The following PPARGC1A variants were observed in gnomAD, a reference collection of about 807,000 sequenced individuals.
PPARGC1A encodes the protein PPARG coactivator 1 alpha.
PPARGC1A carries 25 observed loss-of-function variants against 88.7 expected under a neutral mutation model. The ratio of observed to expected loss-of-function variants is 0.28; its 90% CI spans 0.21 to 0.39. PPARGC1A has a LOEUF of 0.39. Among genes scored for constraint, PPARGC1A ranks in the 10% least tolerant of loss-of-function variants. The probability of loss-of-function intolerance (pLI) is 1.00; values close to 1 mark genes in which losing one functional copy is unlikely to be tolerated. For missense variants in PPARGC1A, 880 were observed against 968.7 expected (o/e 0.91, Z 1.22); for synonymous variants, 363 against 355.6 (o/e 1.02, Z -0.24).
At chr4:24,426,096 G>T in the PPARGC1A span, among the ~76,000 whole-genome samples, 1 of 152,124 alleles carries the variant, frequency 6.6e-6, no homozygotes, top group African/African-American at 2.4e-5. Flanking sequence ...ATTACAACGG[G>T]GAGGGAACAC....
chr4:24,462,868 G>A, the PPARGC1A span, among the ~76,000 whole-genome samples: 1 of 151,646 alleles, frequency 6.6e-6, no homozygotes, highest in East Asian at 1.9e-4. Context: ...CGTCTTTCAG[G>A]TCCAAGGTCT....
At position 23,794,491 on chromosome 4, in the gene PPARGC1A, G is replaced by C. The variant is rs1310358074; in HGVS notation, c.*1331C>G. The C allele has an allele frequency of 6.6e-6, 1 of 152,416 alleles. No homozygotes were observed. The highest frequency in any genetic ancestry group is 1.5e-5 in the Non-Finnish European group (1 of 68,006). The allele number at this position is 152,416 out of a possible 1,614,324, so 9.4% of individuals were successfully genotyped here. A position where few individuals can be genotyped will look rare whatever the true frequency, so the allele number is the denominator to read the frequency against. ...GTGCGGAAAGCATCATTTTGCTCTT[G>C]TTGCACTCAACAGACACACACACTG... On this transcript the variant is annotated 3_prime_UTR_variant, in exon 13 of 13. Transcript: ENST00000264867.
intron 10 of PPARGC1A, among the ~76,000 whole-genome samples, chr4:23,802,924 A>G (rs1719076998): frequency 6.6e-6 from 1 of 152,112 alleles, no homozygotes; most frequent in African/African-American, 2.4e-5. Flanking sequence ...CTACTCTCAG[A>G]TGAACTTGAT....
chr4:23,806,696 C>T (rs57276493), intron 10 of PPARGC1A, among the ~76,000 whole-genome samples: 2,444 of 152,158 alleles, frequency 0.016, 80 homozygotes, highest in African/African-American at 0.056. Flanking sequence ...TACACCAAAA[C>T]GTGGGGGATA....
At chr4:24,316,714 A>C in the PPARGC1A span, among the ~76,000 whole-genome samples, 1 of 152,252 alleles carries the variant, frequency 6.6e-6, no homozygotes, top group African/African-American at 2.4e-5. Flanking sequence ...GAATGGGAAG[A>C]ATAATGCTTA....
chr4:24,382,867 G>A, the PPARGC1A span, among the ~76,000 whole-genome samples: 1 of 152,168 alleles, frequency 6.6e-6, no homozygotes, highest in Non-Finnish European at 1.5e-5. Context: ...AGATCTCCCA[G>A]CACAGTGCTT....
At chr4:24,013,142 A>G in the PPARGC1A span, among the ~76,000 whole-genome samples, 1 of 152,186 alleles carries the variant, frequency 6.6e-6, no homozygotes, top group Non-Finnish European at 1.5e-5. Context: ...GTGGCAGAGA[A>G]TAAGACGGAC....
At chr4:24,387,960 G>A in the PPARGC1A span, among the ~76,000 whole-genome samples, 1 of 148,680 alleles carries the variant, frequency 6.7e-6, no homozygotes, top group Admixed American at 6.7e-5. Flanking sequence ...AAGAAAGAAA[G>A]GGAGAGGGAG....
At chr4:24,280,941 A>T in the PPARGC1A span, among the ~76,000 whole-genome samples, 20 of 152,224 alleles carry the variant, frequency 1.3e-4, no homozygotes. Context: ...AGTAATATAC[A>T]ACTGAATCAA....
chr4:24,097,287 G>C, the PPARGC1A span, among the ~76,000 whole-genome samples: 1 of 152,200 alleles, frequency 6.6e-6, no homozygotes, highest in African/African-American at 2.4e-5. Context: ...GGTGAAGGGA[G>C]CAGGAGGATA....
the PPARGC1A span, among the ~76,000 whole-genome samples, chr4:24,006,558 A>C: frequency 3.9e-5 from 6 of 152,218 alleles, no homozygotes; most frequent in African/African-American, 1.4e-4. Flanking sequence ...AGAAAGATGC[A>C]CAAATATGCT....
chr4:24,132,287 T>C, the PPARGC1A span, among the ~76,000 whole-genome samples: 4 of 115,564 alleles, frequency 3.5e-5, no homozygotes, highest in Admixed American at 3.6e-4. Context: ...TATGAGGCTT[T>C]CTATATCAGA....
chr4:23,906,418 GC>G (rs1245474447), upstream of PPARGC1A, among the ~76,000 whole-genome samples: 1 of 151,922 alleles, frequency 6.6e-6, no homozygotes, highest in African/African-American at 2.4e-5. Flanking sequence ...TTCAAGACCA[GC>G]CGGGCCAACA....
the PPARGC1A span, among the ~76,000 whole-genome samples, chr4:24,238,778 TGTGTGTGTGTG>T: frequency 2.0e-5 from 3 of 151,306 alleles, no homozygotes; most frequent in African/African-American, 7.3e-5. Context: ...TGTGTGTGTG[TGTGTGTGTGTG>T]TGTGTGTAGG....
chr4:23,824,587 G>A (rs1723593875), intron 5 of PPARGC1A, 79 bp from the exon 6 acceptor site: 2 of 1,244,622 alleles, frequency 1.6e-6, no homozygotes, highest in Non-Finnish European at 2.2e-6. Context: ...CAGTCAAGTT[G>A]GAAAAACAAC....
At chr4:24,235,129 T>C in the PPARGC1A span, among the ~76,000 whole-genome samples, 1 of 152,018 alleles carries the variant, frequency 6.6e-6, no homozygotes, top group Non-Finnish European at 1.5e-5. Flanking sequence ...ACCTAGAATC[T>C]AAAGAAAAAA....
At chr4:24,048,376 C>T in the PPARGC1A span, among the ~76,000 whole-genome samples, 1 of 152,156 alleles carries the variant, frequency 6.6e-6, no homozygotes, top group African/African-American at 2.4e-5. Flanking sequence ...CTCCGCAGCT[C>T]CACTCTTTTG....
At chr4:24,238,851 G>C in the PPARGC1A span, among the ~76,000 whole-genome samples, 2 of 151,292 alleles carry the variant, frequency 1.3e-5, no homozygotes, top group Non-Finnish European at 2.9e-5. Flanking sequence ...TTACATGTAG[G>C]TGTGTACCCA....
chr4:24,233,015 C>A, the PPARGC1A span, among the ~76,000 whole-genome samples: 1 of 152,054 alleles, frequency 6.6e-6, no homozygotes, highest in Non-Finnish European at 1.5e-5. Context: ...AGAGTGTCCA[C>A]ACAAGGATCC....
Sources: gnomAD v4.1 joint callset for allele counts (sites outside exome capture counted in the v4.1 genomes callset) on GRCh38, gnomAD v4.1.1 for gene constraint, MANE v1.5 for transcripts, NCBI Gene and HGNC (gene_info 2026-07-23, HGNC 2026-07-21) for gene names.